The following STK33 variants were observed in gnomAD, a reference collection of about 807,000 sequenced individuals.
STK33 encodes serine/threonine-protein kinase 33.
STK33 carries 52 observed loss-of-function variants against 58.0 expected under a neutral mutation model. The ratio of observed to expected loss-of-function variants is 0.90; its 90% CI spans 0.72 to 1.13. The LOEUF is 1.13. STK33 is among the 50% of genes most tolerant of loss of function. STK33 has a pLI of 0.00. For missense variants in STK33, 630 were observed against 604.2 expected (o/e 1.04, Z -0.45); for synonymous variants, 215 against 200.1 (o/e 1.07, Z -0.63).
intron 11 of STK33, among the ~76,000 whole-genome samples, chr11:8,448,214 A>G (rs1945768504): frequency 6.6e-6 from 1 of 152,208 alleles, no homozygotes; most frequent in Admixed American, 6.5e-5. Context: ...TGTCCAAGGT[A>G]ATTTATAGAT....
At chr11:8,349,523 C>A in the STK33 span, among the ~76,000 whole-genome samples, 1 of 152,188 alleles carries the variant, frequency 6.6e-6, no homozygotes, top group African/African-American at 2.4e-5. Context: ...GTCCCCTTTA[C>A]CATTTCTGTG....
chr11:8,352,879 G>T, the STK33 span, among the ~76,000 whole-genome samples: 10 of 152,228 alleles, frequency 6.6e-5, no homozygotes, highest in Non-Finnish European at 7.3e-5. Context: ...AGGAATGCCT[G>T]CATCCTGCCC....
intron 1 of STK33, among the ~76,000 whole-genome samples, chr11:8,518,754 C>T (rs1393958808): frequency 6.6e-6 from 1 of 152,314 alleles, no homozygotes; most frequent in East Asian, 1.9e-4. Context: ...AAGGCCATTA[C>T]TTAATGGTAA....
At position 8,442,770 on chromosome 11, in the gene STK33, G is replaced by A. The variant is rs567478763; in HGVS notation, c.872-2017C>T. 9.9e-5 allele frequency among the ~76,000 whole-genome samples: 15 copies of A among 152,194 alleles called. No individual in the cohort carries two copies. The South Asian group carries it at 1.5e-3, about 15-fold the overall frequency. ...GCAGACAAAAAAAGCAACGAATTAC[G>A]TATACTCTTCAGCAATAAAAATGAA... is the stretch of plus-strand genomic sequence containing the variant. On this transcript the variant is annotated intron_variant, in intron 11 of 15. Coordinates refer to ENST00000687296, the MANE Select transcript of STK33 (RefSeq NM_001352389.2).
chr11:8,419,113 T>C (rs555307514), intron 14 of STK33, among the ~76,000 whole-genome samples: 1 of 152,282 alleles, frequency 6.6e-6, no homozygotes, highest in Admixed American at 6.5e-5. Context: ...TTTTTTGCTT[T>C]TGTTGTGATT....
intron 14 of STK33, among the ~76,000 whole-genome samples, chr11:8,421,475 T>C (rs1941914480): frequency 6.6e-6 from 1 of 152,176 alleles, no homozygotes; most frequent in Non-Finnish European, 1.5e-5. Context: ...CTGTACTCTG[T>C]TTTATTCTGT....
intron 1 of STK33, among the ~76,000 whole-genome samples, chr11:8,517,389 A>C (rs936541256): frequency 6.6e-6 from 1 of 152,244 alleles, no homozygotes; most frequent in Non-Finnish European, 1.5e-5. Flanking sequence ...GAGAAACCAG[A>C]GCAGAAAAGC....
chr11:8,562,510 G>GA (rs397796800), intron 1 of STK33, among the ~76,000 whole-genome samples: 1 of 32,890 alleles, frequency 3.0e-5, no homozygotes, highest in Non-Finnish European at 5.9e-5. Context: ...AGTCTAAACA[G>GA]TGTATAACAG....
At chr11:8,336,208 G>C in the STK33 span, among the ~76,000 whole-genome samples, 3 of 152,184 alleles carry the variant, frequency 2.0e-5, no homozygotes, top group Non-Finnish European at 4.4e-5. Flanking sequence ...CACCTGGCCC[G>C]GGCCTCTTGC....
chr11:8,534,476 T>A (rs1403251896), intron 1 of STK33, among the ~76,000 whole-genome samples: 1 of 151,838 alleles, frequency 6.6e-6, no homozygotes, highest in Non-Finnish European at 1.5e-5. Context: ...TATAAGAGTA[T>A]AACATTGATC....
chr11:8,408,593 C>T (rs1939672056), intron 15 of STK33, among the ~76,000 whole-genome samples: 1 of 152,160 alleles, frequency 6.6e-6, no homozygotes, highest in South Asian at 2.1e-4. Context: ...CATGTTAGCA[C>T]AATTAGTTAT....
intron 1 of STK33, among the ~76,000 whole-genome samples, chr11:8,484,097 T>A (rs1454522550): frequency 6.6e-6 from 1 of 152,176 alleles, no homozygotes; most frequent in Non-Finnish European, 1.5e-5. Flanking sequence ...AACGAAATGT[T>A]TGTACTCATG....
chr11:8,441,469 A>G (rs933375353), intron 11 of STK33, among the ~76,000 whole-genome samples: 1 of 152,048 alleles, frequency 6.6e-6, no homozygotes, highest in African/African-American at 2.4e-5. Flanking sequence ...ATCCCACCGC[A>G]GCTTCCTGAG....
At chr11:8,450,760 T>C (rs917199993) in intron 11 of STK33, among the ~76,000 whole-genome samples, 5 of 152,286 alleles carry the variant, frequency 3.3e-5, no homozygotes, top group African/African-American at 1.2e-4. Flanking sequence ...AATTGAATAA[T>C]GCAGTACATT....
the STK33 span, among the ~76,000 whole-genome samples, chr11:8,346,609 T>C: frequency 9.2e-5 from 14 of 152,220 alleles, no homozygotes; most frequent in Non-Finnish European, 8.8e-5. Flanking sequence ...GGCTCCCGCA[T>C]GACACTGGCT....
chr11:8,517,206 T>C (rs1170267845), intron 1 of STK33, among the ~76,000 whole-genome samples: 1 of 152,184 alleles, frequency 6.6e-6, no homozygotes. Flanking sequence ...CCGCTGGTGA[T>C]ACCCAAGCAA....
intron 11 of STK33, among the ~76,000 whole-genome samples, chr11:8,451,114 C>A (rs886550041): frequency 6.6e-6 from 1 of 152,016 alleles, no homozygotes; most frequent in Admixed American, 6.6e-5. Flanking sequence ...AAACTGGAAC[C>A]CTCACAAATT....
At chr11:8,370,513 C>T in the STK33 span, among the ~76,000 whole-genome samples, 1 of 152,156 alleles carries the variant, frequency 6.6e-6, no homozygotes, top group East Asian at 1.9e-4. Context: ...CTGAGACTTT[C>T]TCCAACTCCC....
At chr11:8,506,754 C>A (rs1175676816) in intron 1 of STK33, among the ~76,000 whole-genome samples, 1 of 152,214 alleles carries the variant, frequency 6.6e-6, no homozygotes, top group Non-Finnish European at 1.5e-5. Flanking sequence ...CTGCCTACCA[C>A]AAGCTCCTTT....
Sources: gnomAD v4.1 joint callset for allele counts (sites outside exome capture counted in the v4.1 genomes callset) on GRCh38, gnomAD v4.1.1 for gene constraint, MANE v1.5 for transcripts, NCBI Gene and HGNC (gene_info 2026-07-23, HGNC 2026-07-21) for gene names.